The following AGRN variants were observed in gnomAD, a reference collection of about 807,000 sequenced individuals.
AGRN encodes agrin.
A neutral mutation model predicts 211.0 loss-of-function variants in AGRN; 106 were observed. That is an observed-to-expected ratio of 0.50 (90% CI 0.43 to 0.59). The LOEUF (loss-of-function observed/expected upper bound fraction) is 0.59. Ranked by LOEUF, AGRN falls within the 20% of genes least tolerant of loss-of-function variation. The pLI, the probability that AGRN is intolerant of heterozygous loss-of-function variation, is 0.00. For missense variants in AGRN, 3,040 were observed against 2,982.6 expected (o/e 1.02, Z -0.45); for synonymous variants, 1,525 against 1,332.5 (o/e 1.14, Z -3.15).
rs374163905 is a variant in AGRN, at chr1:1,032,608, C to T, written c.464-2669C>T. ...ACCACGCGGTGGCACTGGTGGCTGC[C>T]GGCAGCTGTCGTCTGCAGAGTGGGT... is the stretch of plus-strand genomic sequence containing the variant. On this transcript the variant is annotated intron_variant, in intron 2 of 35. Transcript: ENST00000379370. This position sits in a 1 kb window ranked among gnomAD's most constrained non-coding sequence, Gnocchi z 4.7. Among the ~76,000 whole-genome samples, 2 of 152,106 alleles carry T rather than the reference C, an allele frequency of 1.3e-5. No homozygotes were observed. Among genetic ancestry groups the T allele is most frequent in the African/African-American group, 4.8e-5 (2 of 41,394 alleles).
chr1:1,035,007 T>C, intron 2 of AGRN: 3 of 556,032 alleles, frequency 5.4e-6, no homozygotes, highest in Non-Finnish European at 6.4e-6. Flanking sequence ...GGGAAGGGGG[T>C]CCTGCCTGCA....
intron 1 of AGRN, 28 bp from the exon 2 acceptor site, chr1:1,022,170 CTAA>C: frequency 6.2e-7 from 1 of 1,612,804 alleles, no homozygotes; most frequent in Non-Finnish European, 8.5e-7. Flanking sequence ...CAGGAGAGGA[CTAA>C]TGACACCTAC....
In AGRN at chr1:1,020,452, A is replaced by G. The variant is rs933880469; in HGVS notation, c.201+79A>G. ...ACCCCCGCCCCAGGCCGTGGGAACC[A>G]GCCCCGGTCGCTCCGCAGCCCCCGC... On this transcript the variant is annotated intron_variant, in intron 1 of 35. Coordinates refer to ENST00000379370, the MANE Select transcript of AGRN (RefSeq NM_198576.4). 27 of 1,364,178 alleles carry G rather than the reference A, an allele frequency of 2.0e-5. No homozygotes were observed. The African/African-American group carries it at 3.2e-4, about 16-fold the overall frequency. The allele number at this position is 1,364,178 out of a possible 1,614,324, so 84.5% of individuals were successfully genotyped here. A position where few individuals can be genotyped will look rare whatever the true frequency, so the allele number is the denominator to read the frequency against.
intron 19 of AGRN, 96 bp downstream of exon 19, chr1:1,047,053 A>G (rs1221411261): frequency 1.3e-6 from 2 of 1,529,224 alleles, no homozygotes; most frequent in Non-Finnish European, 1.8e-6. Context: ...GCCGGGGGTT[A>G]TGGTCTTGGG....
chr1:1,047,731 G>A (rs751778949), intron 21 of AGRN, 44 bp downstream of exon 21: 1 of 1,612,288 alleles, frequency 6.2e-7, no homozygotes, highest in South Asian at 1.1e-5. Context: ...CAATGGGTGG[G>A]GGATGCCTGG....
At chr1:1,050,923 G>T in intron 30 of AGRN, 86 bp downstream of exon 30, 3 of 1,534,250 alleles carry the variant, frequency 2.0e-6, no homozygotes, top group Non-Finnish European at 2.6e-6. Context: ...GGCGCTCACG[G>T]AGCTGTTTTT....
At position 1,020,451 on chromosome 1, in the gene AGRN, C is replaced by A; in HGVS notation, c.201+78C>A. 4 of 1,363,766 alleles carry A rather than the reference C, an allele frequency of 2.9e-6. No individual in the cohort carries two copies. The South Asian group carries it at 5.5e-5, about 19-fold the overall frequency. 84.5% of individuals were successfully genotyped at this position (1,363,766 alleles called of 1,614,324 possible). The stretch of plus-strand genomic sequence containing the variant: ...GACCCCCGCCCCAGGCCGTGGGAAC[C>A]AGCCCCGGTCGCTCCGCAGCCCCCG... On this transcript the variant is annotated intron_variant, in intron 1 of 35. Coordinates refer to ENST00000379370, the MANE Select transcript of AGRN (RefSeq NM_198576.4).
chr1:1,033,549 C>G (rs1272170606), intron 2 of AGRN, among the ~76,000 whole-genome samples: 1 of 150,840 alleles, frequency 6.6e-6, no homozygotes, highest in Non-Finnish European at 1.5e-5. Flanking sequence ...CTGCCCGGCG[C>G]GACCCCTGCT....
In AGRN at chr1:1,046,719, TGGGGGTGGCTCTG is replaced by T; in HGVS notation, c.3239_3250+1del. ...AACTGAGCGGGGACCAGGAGGCCAGTGGGGGTGGCTCTGGGGGTGAGCAGGGATCAAGGACTTG... is the reference window on the plus strand; with the variant it reads ...AACTGAGCGGGGACCAGGAGGCCAGTGGGGTGAGCAGGGATCAAGGACTTG... On this transcript the variant is annotated frameshift_variant, in exon 18 of 36. Coordinates refer to ENST00000379370, the MANE Select transcript of AGRN (RefSeq NM_198576.4). LOFTEE classifies it high-confidence loss of function. The T allele has an allele frequency of 6.3e-7, 1 of 1,579,094 alleles. No homozygotes were observed. Among genetic ancestry groups the T allele is most frequent in the Non-Finnish European group, 8.6e-7 (1 of 1,168,044 alleles).
In AGRN at chr1:1,048,972, A is replaced by C; in HGVS notation, c.4211A>C (p.Glu1404Ala). 6.3e-7 allele frequency: 1 copy of C among 1,576,168 alleles called. No homozygotes were observed. Among genetic ancestry groups the C allele is most frequent in the African/African-American group, 1.4e-5 (1 of 73,968 alleles). The change falls in exon 24 of 36, where the codon GAG becomes GCG. Residue 1404 changes from glutamate to alanine, a missense_variant. Glu to Ala is a moderately radical substitution (Grantham distance 107). Coordinates refer to ENST00000379370, the MANE Select transcript of AGRN (RefSeq NM_198576.4). The surrounding 1 kb of genome is among the most constrained non-coding windows in gnomAD (Gnocchi z 5.9). ...LRLALEFRAL[E>A]PQGLLLYNGN... The stretch of plus-strand genomic sequence containing the variant: ...CTGGCACTGGAATTCCGGGCGCTGG[A>C]GCCTCAGGGGCTGCTGCTGTACAAT...
rs1645184058 is a variant in AGRN at position 1,048,934 on chromosome 1, C to T, written c.4173C>T (p.Tyr1391=). ...SFLAFPTLRA[Y]HTLRLALEFR... is the part of the protein sequence containing the mutation. ...TGGCCTTCCCCACTCTCCGCGCCTACCACACGCTGCGCCTGGCACTGGAAT... is the reference window on the plus strand; with the variant it reads ...TGGCCTTCCCCACTCTCCGCGCCTATCACACGCTGCGCCTGGCACTGGAAT... Residue 1391 remains tyrosine (Y), a synonymous_variant, in exon 24 of 36, where the codon TAC becomes TAT. Transcript: ENST00000379370. This position sits in a 1 kb window ranked among gnomAD's most constrained non-coding sequence, Gnocchi z 5.9. The T allele has an allele frequency of 6.4e-7, 1 of 1,564,486 alleles. No individual in the cohort carries two copies. The highest frequency in any genetic ancestry group is 2.4e-5 in the East Asian group (1 of 42,300).
chr1:1,052,074 G>T, intron 33 of AGRN: 1 of 1,465,616 alleles, frequency 6.8e-7, no homozygotes. Context: ...ATCCTTCCTG[G>T]TGGGGAGCAG....
chr1:1,045,149 C>T lies in AGRN; in HGVS notation c.2255-12C>T. 2.5e-6 allele frequency: 4 copies of T among 1,611,138 alleles called. No individual in the cohort carries two copies. Among genetic ancestry groups the T allele is most frequent in the Non-Finnish European group, 3.4e-6 (4 of 1,179,360 alleles). On this transcript the variant is annotated splice_polypyrimidine_tract_variant and intron_variant, in intron 12 of 35. Coordinates refer to ENST00000379370, the MANE Select transcript of AGRN (RefSeq NM_198576.4). The stretch of plus-strand genomic sequence containing the variant: ...ACTGCATGAAATCTGAGTCCCGTAC[C>T]CTTTCCTGCAGGCCCCACCTTCGCC...
At chr1:1,033,313 C>T (rs1024370628) in intron 2 of AGRN, among the ~76,000 whole-genome samples, 23 of 151,980 alleles carry the variant, frequency 1.5e-4, no homozygotes, top group African/African-American at 5.6e-4. Context: ...GGCCCTCCCC[C>T]ACCTACGCCC....
At chr1:1,037,975 G>A (rs1201113118) in intron 3 of AGRN, among the ~76,000 whole-genome samples, 1 of 152,218 alleles carries the variant, frequency 6.6e-6, no homozygotes, top group Admixed American at 6.5e-5. Flanking sequence ...ACAGTGGTGG[G>A]AGCGGCCCCT....
rs1429201643 is a variant in AGRN, at chr1:1,045,778, A to G, written c.2582A>G (p.Gln861Arg). 2 of 1,613,288 alleles carry G rather than the reference A, an allele frequency of 1.2e-6. No individual in the cohort carries two copies. The highest frequency in any genetic ancestry group is 4.5e-5 in the East Asian group (2 of 44,886). The change falls in exon 15 of 36, where the codon CAG (glutamine) becomes CGG (arginine). Residue 861 changes from glutamine (Q) to arginine (R), a missense_variant. Gln to Arg is a conservative substitution (Grantham distance 43, BLOSUM62 1). Around this residue, in one of 3 missense-constraint regions of AGRN, gnomAD observed 1,498 missense variants for 1,457.8 expected, o/e 1.03. Coordinates refer to ENST00000379370, the MANE Select transcript of AGRN (RefSeq NM_198576.4). ...GGCGCCGTGCGGGATGACTGTGAGCAGATGACGGGGCTGTGCTCGTGTAAG... is the reference window on the plus strand; with the variant it reads ...GGCGCCGTGCGGGATGACTGTGAGCGGATGACGGGGCTGTGCTCGTGTAAG... ...PQGAVRDDCEQMTGLCSCKPG... is the reference protein window; with the variant it reads ...PQGAVRDDCERMTGLCSCKPG...
In AGRN at chr1:1,051,929, C is replaced by T. The variant is rs1570251516; in HGVS notation, c.5651+114C>T. The T allele has an allele frequency of 3.9e-6, 6 of 1,548,308 alleles. No individual in the cohort carries two copies. The East Asian group carries it at 9.8e-5, about 25-fold the overall frequency. On this transcript the variant is annotated intron_variant, in intron 33 of 35. Transcript: ENST00000379370. ...GACGGCCCGGTGCTGCCACCTCTGTCCTCCCGCCTCTCTCTCACCTCCCGG... is the reference window on the plus strand; with the variant it reads ...GACGGCCCGGTGCTGCCACCTCTGTTCTCCCGCCTCTCTCTCACCTCCCGG...
rs768333859 is a variant in AGRN at position 1,054,848 on chromosome 1, G to C, written c.6005G>C (p.Gly2002Ala). 9 of 1,559,430 alleles carry C rather than the reference G, an allele frequency of 5.8e-6. No homozygotes were observed. Among genetic ancestry groups the C allele is most frequent in the South Asian group, 1.2e-5 (1 of 84,764 alleles). Residue 2002 changes from glycine (G) to alanine (A), a missense_variant, in exon 36 of 36, where the codon GGC becomes GCC. This residue lies in a region of AGRN where 1,537 missense variants were observed against 1,505.0 expected (regional missense o/e 1.02). Transcript: ENST00000379370. Reference sequence around the variant, plus strand: ...GGGGGCCTGCCGGAGCTGCCCGTGGGCCCAGCACTGCCCAAGGCCTACGGC... The same window carrying C: ...GGGGGCCTGCCGGAGCTGCCCGTGGCCCCAGCACTGCCCAAGGCCTACGGC... ...WLGGLPELPV[G>A]PALPKAYGTG...
At position 1,040,888 on chromosome 1, in the gene AGRN, G is replaced by C; in HGVS notation, c.727+8G>C. On this transcript the variant is annotated splice_region_variant and intron_variant, in intron 4 of 35. Coordinates refer to ENST00000379370, the MANE Select transcript of AGRN (RefSeq NM_198576.4). Reference sequence around the variant, plus strand: ...TCAGCCGCGGGCCGTGCGGTGAGCGGGGCGGGGCCGGTGCCTGGGGCGGGG... The same window carrying C: ...TCAGCCGCGGGCCGTGCGGTGAGCGCGGCGGGGCCGGTGCCTGGGGCGGGG... The C allele has an allele frequency of 6.8e-6, 10 of 1,472,732 alleles. No individual in the cohort carries two copies. Among genetic ancestry groups the C allele is most frequent in the Non-Finnish European group, 8.9e-6 (10 of 1,123,058 alleles). 91.2% of individuals were successfully genotyped at this position (1,472,732 alleles called of 1,614,324 possible).
Sources: gnomAD v4.1 joint callset for allele counts (sites outside exome capture counted in the v4.1 genomes callset) on GRCh38, gnomAD v4.1.1 for gene constraint, gnomAD v4.1.1 regional missense constraint, Gnocchi (gnomAD v3.1) non-coding constraint, MANE v1.5 for transcripts, NCBI Gene and HGNC (gene_info 2026-07-23, HGNC 2026-07-21) for gene names.